The following WDFY4 variants were observed in gnomAD, a reference collection of about 807,000 sequenced individuals.
WDFY4 encodes the protein WD repeat- and FYVE domain-containing protein 4.
A neutral mutation model predicts 351.9 loss-of-function variants in WDFY4; 169 were observed. The ratio of observed to expected loss-of-function variants is 0.48; its 90% CI spans 0.42 to 0.55. The LOEUF (loss-of-function observed/expected upper bound fraction) is 0.55, where lower values mean the gene tolerates loss of function less well. Ranked by LOEUF, WDFY4 falls within the 20% of genes least tolerant of loss-of-function variation. The pLI, the probability that WDFY4 is intolerant of heterozygous loss-of-function variation, is 0.00. For synonymous variants in WDFY4, 1,622 were observed against 1,574.6 expected (o/e 1.03, Z -0.71); for missense variants, 3,803 against 3,935.6 (o/e 0.97, Z 0.90).
At chr10:48,793,375 G>T (rs1348638673) in intron 23 of WDFY4, among the ~76,000 whole-genome samples, 1 of 152,170 alleles carries the variant, frequency 6.6e-6, no homozygotes, top group African/African-American at 2.4e-5. Context: ...TCTTTAAAAA[G>T]GAAACATTTC....
At chr10:48,852,397 A>G (rs1408983754) in intron 39 of WDFY4, among the ~76,000 whole-genome samples, 2 of 152,252 alleles carry the variant, frequency 1.3e-5, no homozygotes, top group Non-Finnish European at 2.9e-5. Flanking sequence ...AAATGTGCAC[A>G]TGCATAACTT....
At chr10:48,901,960 C>A (rs1837377492) in intron 47 of WDFY4, 97 bp downstream of exon 47, 1 of 1,109,338 alleles carries the variant, frequency 9.0e-7, no homozygotes, top group Non-Finnish European at 1.3e-6. Context: ...TTGCAGAGAG[C>A]ATGCCCAACA....
At chr10:48,900,365 C>A in intron 46 of WDFY4, 59 bp downstream of exon 46, 1 of 1,427,010 alleles carries the variant, frequency 7.0e-7, no homozygotes, top group Admixed American at 2.0e-5. Context: ...AGCAGAGGGG[C>A]AGAGAACACT....
At chr10:48,952,529 T>C (rs1841378314) in intron 51 of WDFY4, among the ~76,000 whole-genome samples, 1 of 152,208 alleles carries the variant, frequency 6.6e-6, no homozygotes, top group Non-Finnish European at 1.5e-5. Flanking sequence ...GCTCTAGAAC[T>C]TTCTAATTGG....
chr10:48,830,359 G>A (rs1185949108), intron 37 of WDFY4, among the ~76,000 whole-genome samples: 1 of 152,164 alleles, frequency 6.6e-6, no homozygotes, highest in Non-Finnish European at 1.5e-5. Flanking sequence ...CACACAAGGT[G>A]TCCCTCTGGT....
intron 39 of WDFY4, among the ~76,000 whole-genome samples, chr10:48,866,443 T>G (rs1035880461): frequency 3.3e-5 from 5 of 152,246 alleles, no homozygotes; most frequent in Non-Finnish European, 5.9e-5. Context: ...TTAAAAGACA[T>G]GCTTTGTATT....
intron 39 of WDFY4, among the ~76,000 whole-genome samples, chr10:48,842,335 G>A (rs1296539439): frequency 6.6e-6 from 1 of 151,882 alleles, no homozygotes; most frequent in Non-Finnish European, 1.5e-5. Flanking sequence ...AGCAGCTGGT[G>A]GTAGATGTGA....
chr10:48,756,908 G>T (rs1009039288), intron 12 of WDFY4, among the ~76,000 whole-genome samples: 49 of 152,058 alleles, frequency 3.2e-4, no homozygotes, highest in African/African-American at 1.1e-3. Flanking sequence ...TTTATACTGT[G>T]TTTTTCTGTT....
At chr10:48,732,474 C>G (rs1051871484) in intron 9 of WDFY4, among the ~76,000 whole-genome samples, 1 of 152,188 alleles carries the variant, frequency 6.6e-6, no homozygotes, top group African/African-American at 2.4e-5. Context: ...AGGGAGCTCT[C>G]TAGCCTTTGG....
intron 13 of WDFY4, among the ~76,000 whole-genome samples, chr10:48,766,503 T>C (rs1418486756): frequency 6.6e-6 from 1 of 152,096 alleles, no homozygotes; most frequent in African/African-American, 2.4e-5. Flanking sequence ...AACAGGAGGA[T>C]TGCTTGAGCC....
chr10:48,882,061 A>C (rs2070272420), intron 43 of WDFY4, among the ~76,000 whole-genome samples: 2 of 152,218 alleles, frequency 1.3e-5, no homozygotes, highest in Admixed American at 1.3e-4. Flanking sequence ...AACAATCTGC[A>C]GACCAGGTGA....
chr10:48,950,208 C>G (rs1841254402), intron 51 of WDFY4, among the ~76,000 whole-genome samples: 1 of 152,156 alleles, frequency 6.6e-6, no homozygotes, highest in Admixed American at 6.5e-5. Context: ...CTCCAATCGC[C>G]CCTCCCCACA....
chr10:48,730,677 G>T (rs959662837), intron 8 of WDFY4, among the ~76,000 whole-genome samples: 1 of 152,258 alleles, frequency 6.6e-6, no homozygotes, highest in African/African-American at 2.4e-5. Context: ...TGCAATGCAC[G>T]TTATATCATT....
In WDFY4 at chr10:48,742,993, C is replaced by A; in HGVS notation, c.1904C>A (p.Pro635His). 2 of 1,549,950 alleles carry A rather than the reference C, an allele frequency of 1.3e-6. No homozygotes were observed. The highest frequency in any genetic ancestry group is 1.7e-6 in the Non-Finnish European group (2 of 1,146,636). Residue 635 changes from proline to histidine, a missense_variant, in exon 12 of 62, where the codon CCC (proline) becomes CAC (histidine). Pro to His is a moderately conservative substitution (Grantham distance 77). This residue lies in a region of WDFY4 where 261 missense variants were observed against 330.2 expected (regional missense o/e 0.79). Coordinates refer to ENST00000325239, the MANE Select transcript of WDFY4 (RefSeq NM_001394531.1). ...LKSLLRILVTPKGRAAFRVSS... is the reference protein window; with the variant it reads ...LKSLLRILVTHKGRAAFRVSS... ...TCTCTGCTCCGGATCCTGGTGACCC[C>A]CAAGGGTCGTGCTGCCTTCAGAGTC...
chr10:48,780,642 T>A (rs182734114), intron 19 of WDFY4, among the ~76,000 whole-genome samples: 21 of 152,262 alleles, frequency 1.4e-4, no homozygotes, highest in African/African-American at 5.1e-4. Flanking sequence ...GGAGGAAGCA[T>A]CTCATGGCTG....
chr10:48,705,030 G>A (rs1162203297), intron 1 of WDFY4, among the ~76,000 whole-genome samples: 1 of 152,160 alleles, frequency 6.6e-6, no homozygotes, highest in Non-Finnish European at 1.5e-5. Flanking sequence ...TTGCCACTTG[G>A]TCTAAACCCA....
At chr10:48,874,978 T>G (rs1409037970) in intron 41 of WDFY4, 111 bp from the exon 42 acceptor site, 1 of 487,338 alleles carries the variant, frequency 2.1e-6, no homozygotes, top group Non-Finnish European at 3.4e-6. Context: ...CTTGCATAAT[T>G]TGAAGGGGTC....
chr10:48,759,402 A>G (rs1050207620), intron 12 of WDFY4, among the ~76,000 whole-genome samples: 2 of 151,952 alleles, frequency 1.3e-5, no homozygotes, highest in Non-Finnish European at 2.9e-5. Flanking sequence ...TCCCTGTGTC[A>G]CTGGTATCTG....
At position 48,794,650 on chromosome 10, in the gene WDFY4, T is replaced by G. The variant is rs1177595881; in HGVS notation, c.4258-1648T>G. On this transcript the variant is annotated intron_variant, in intron 23 of 61. Transcript: ENST00000325239. ...ATAATTAAAACCCAGTAAAGGAGATTGAGAAGCAAGAGGGAAGAAAAATCA... is the reference window on the plus strand; with the variant it reads ...ATAATTAAAACCCAGTAAAGGAGATGGAGAAGCAAGAGGGAAGAAAAATCA... Among the ~76,000 whole-genome samples the G allele has an allele frequency of 2.0e-5, 3 of 151,850 alleles. No individual in the cohort carries two copies. In the East Asian group the frequency reaches 5.8e-4, roughly 29 times the overall value.
Sources: allele counts gnomAD v4.1 joint callset (sites outside exome capture counted in the v4.1 genomes callset), GRCh38; gene constraint gnomAD v4.1.1; regional missense constraint gnomAD v4.1.1; transcripts MANE v1.5; gene names NCBI Gene and HGNC (gene_info 2026-07-23, HGNC 2026-07-21).